Variants in PHACTR1 observed in about 807,000 individuals in gnomAD.
PHACTR1 encodes the protein phosphatase and actin regulator 1.
In PHACTR1, 16 loss-of-function variants were observed where a neutral mutation model predicts 69.2. The ratio of observed to expected loss-of-function variants is 0.23; its 90% CI spans 0.16 to 0.35. The LOEUF (loss-of-function observed/expected upper bound fraction) is 0.35, where lower values mean the gene tolerates loss of function less well. Among genes scored for constraint, PHACTR1 ranks in the 10% least tolerant of loss-of-function variants. The probability of loss-of-function intolerance (pLI) is 1.00; values close to 1 mark genes in which losing one functional copy is unlikely to be tolerated. For synonymous variants in PHACTR1, 312 were observed against 284.5 expected, an observed-to-expected ratio of 1.10 and a Z score of -0.97; for missense variants, 510 against 734.7, an observed-to-expected ratio of 0.69 and a Z score of 3.54.
At chr6:13,012,780 T>C (rs1562132141) in intron 4 of PHACTR1, among the ~76,000 whole-genome samples, 1 of 152,190 alleles carries the variant, frequency 6.6e-6, no homozygotes, top group Non-Finnish European at 1.5e-5. Flanking sequence ...ATCTGAGTCT[T>C]GGGATTGTTG....
intron 4 of PHACTR1, among the ~76,000 whole-genome samples, chr6:13,003,666 C>A (rs1378965759): frequency 6.6e-6 from 1 of 151,704 alleles, no homozygotes; most frequent in Non-Finnish European, 1.5e-5. Context: ...TGAAGCCTGG[C>A]CTTTGAGTGT....
chr6:12,802,849 G>A (rs373477506), intron 4 of PHACTR1, among the ~76,000 whole-genome samples: 4 of 152,142 alleles, frequency 2.6e-5, no homozygotes, highest in East Asian at 1.9e-4. Context: ...ATTTTATTCC[G>A]AGAGAAGACG....
chr6:12,831,019 T>C (rs1294990661), intron 4 of PHACTR1, among the ~76,000 whole-genome samples: 1 of 152,198 alleles, frequency 6.6e-6, no homozygotes, highest in African/African-American at 2.4e-5. Context: ...TCAACTGAAC[T>C]GTGTGCCTAA....
At chr6:12,909,162 T>C (rs1786082497) in intron 4 of PHACTR1, among the ~76,000 whole-genome samples, 1 of 152,168 alleles carries the variant, frequency 6.6e-6, no homozygotes, top group Non-Finnish European at 1.5e-5. Flanking sequence ...CAAAATTTTT[T>C]TTCTTAAAGA....
chr6:13,096,797 C>T (rs1814328918), intron 5 of PHACTR1, among the ~76,000 whole-genome samples: 1 of 152,044 alleles, frequency 6.6e-6, no homozygotes, highest in Admixed American at 6.6e-5. Flanking sequence ...TCTAGAGATG[C>T]CAGGAAAAAT....
At chr6:13,217,884 C>T (rs1026561457) in intron 8 of PHACTR1, among the ~76,000 whole-genome samples, 5 of 152,242 alleles carry the variant, frequency 3.3e-5, no homozygotes, top group South Asian at 2.1e-4. Flanking sequence ...CAATTTGCAG[C>T]ATAATTTCTC....
At chr6:12,850,586 A>G (rs1392031935) in intron 4 of PHACTR1, among the ~76,000 whole-genome samples, 1 of 152,234 alleles carries the variant, frequency 6.6e-6, no homozygotes, top group Non-Finnish European at 1.5e-5. Context: ...CTGCTGTAGC[A>G]AAGTACCAAA....
At chr6:12,857,848 G>A (rs1002772579) in intron 4 of PHACTR1, among the ~76,000 whole-genome samples, 12 of 152,264 alleles carry the variant, frequency 7.9e-5, no homozygotes, top group Admixed American at 2.6e-4. Context: ...TTCAACCAAA[G>A]TCTACAGAAA....
At chr6:12,784,574 A>T (rs1180952638) in intron 4 of PHACTR1, among the ~76,000 whole-genome samples, 1 of 151,414 alleles carries the variant, frequency 6.6e-6, no homozygotes, top group Non-Finnish European at 1.5e-5. Flanking sequence ...CATATACATG[A>T]TATATACATA....
intron 4 of PHACTR1, among the ~76,000 whole-genome samples, chr6:13,023,136 G>T (rs1801217802): frequency 6.6e-6 from 1 of 152,180 alleles, no homozygotes; most frequent in South Asian, 2.1e-4. Flanking sequence ...TTACATATCT[G>T]TGTCGTTCAC....
chr6:12,973,084 G>A (rs1401145036), intron 4 of PHACTR1, among the ~76,000 whole-genome samples: 1 of 151,998 alleles, frequency 6.6e-6, no homozygotes, highest in East Asian at 1.9e-4. Flanking sequence ...CTTTTCTCAG[G>A]ACCTTTAATT....
At chr6:12,905,536 G>A (rs982204343) in intron 4 of PHACTR1, among the ~76,000 whole-genome samples, 6 of 152,056 alleles carry the variant, frequency 3.9e-5, no homozygotes, top group Non-Finnish European at 8.8e-5. Context: ...TGTCATTTCC[G>A]GTCTAGTGAA....
chr6:13,201,587 G>A (rs190881233), intron 7 of PHACTR1, among the ~76,000 whole-genome samples: 11 of 152,176 alleles, frequency 7.2e-5, no homozygotes, highest in Admixed American at 2.6e-4. Flanking sequence ...GGCTGGGACC[G>A]CATTATCCAC....
At chr6:13,153,179 C>G (rs1757685219) in intron 5 of PHACTR1, among the ~76,000 whole-genome samples, 1 of 152,178 alleles carries the variant, frequency 6.6e-6, no homozygotes, top group South Asian at 2.1e-4. Flanking sequence ...TCCGAGGTGT[C>G]AGAGCATCAG....
At chr6:12,880,455 C>A (rs987479373) in intron 4 of PHACTR1, among the ~76,000 whole-genome samples, 1 of 152,018 alleles carries the variant, frequency 6.6e-6, no homozygotes, top group Non-Finnish European at 1.5e-5. Context: ...GAGGTTTTGC[C>A]ACGTTGCCCA....
intron 4 of PHACTR1, among the ~76,000 whole-genome samples, chr6:12,935,725 C>T (rs1789371652): frequency 1.3e-5 from 2 of 152,052 alleles, no homozygotes; most frequent in East Asian, 3.9e-4. Flanking sequence ...GGATTCTTTC[C>T]TGAGACTCAT....
intron 4 of PHACTR1, among the ~76,000 whole-genome samples, chr6:12,803,994 C>T (rs1315228778): frequency 6.6e-6 from 1 of 152,168 alleles, no homozygotes; most frequent in Non-Finnish European, 1.5e-5. Context: ...CGGCAAAGGG[C>T]TAAATAGGAT....
chr6:12,851,599 A>G (rs1779833848), intron 4 of PHACTR1, among the ~76,000 whole-genome samples: 3 of 152,236 alleles, frequency 2.0e-5, no homozygotes, highest in Admixed American at 1.3e-4. Flanking sequence ...AGAGTCCGGC[A>G]TATATGTAAT....
chr6:12,872,129 C>G (rs929024499), intron 4 of PHACTR1, among the ~76,000 whole-genome samples: 1 of 152,040 alleles, frequency 6.6e-6, no homozygotes, highest in East Asian at 1.9e-4. Flanking sequence ...ATTTCCATTG[C>G]CTCTAAGCTT....
Sources: allele counts gnomAD v4.1 joint callset (sites outside exome capture counted in the v4.1 genomes callset), GRCh38; gene constraint gnomAD v4.1.1; transcripts MANE v1.5; gene names NCBI Gene and HGNC (gene_info 2026-07-23, HGNC 2026-07-21).